CRYGB: variants seen among roughly 807,000 people sequenced by gnomAD.
CRYGB encodes the protein crystallin gamma B.
A neutral mutation model predicts 21.3 loss-of-function variants in CRYGB; 19 were observed. That is an observed-to-expected ratio of 0.89 (90% CI 0.62 to 1.31). CRYGB has a LOEUF of 1.31. CRYGB is among the 50% of genes most tolerant of loss of function. The pLI, the probability that CRYGB is intolerant of heterozygous loss-of-function variation, is 0.00. For missense variants in CRYGB, 254 were observed against 228.4 expected, an observed-to-expected ratio of 1.11 and a Z score of -0.72; for synonymous variants, 81 against 81.2, an observed-to-expected ratio of 1.00 and a Z score of 0.01.
rs765137951 is a variant in CRYGB at position 208,145,842 on chromosome 2, C to T, written c.184G>A (p.Glu62Lys). Residue 62 changes from glutamate to lysine, a missense_variant, in exon 2 of 3, where the codon GAG (glutamate) becomes AAG (lysine). By Grantham distance (56) the Glu-to-Lys change is moderately conservative. Transcript: ENST00000260988. ...ATCCATTGCTGGTAGTCAGGGTACT[C>T]CCCACGCCGCAGGAAGTACTGGTGG... is the stretch of plus-strand genomic sequence containing the variant. ...QGHQYFLRRG[E>K]YPDYQQWMGL... 6.2e-7 allele frequency: 1 copy of T among 1,613,922 alleles called. No individual in the cohort carries two copies. The highest frequency in any genetic ancestry group is 1.1e-5 in the South Asian group (1 of 91,076).
At chr2:208,144,096 C>G (rs1695410137) in intron 2 of CRYGB, among the ~76,000 whole-genome samples, 1 of 150,442 alleles carries the variant, frequency 6.6e-6, no homozygotes, top group African/African-American at 2.4e-5. Flanking sequence ...TCTCGGCTCA[C>G]CACAACCTCT....
chr2:208,145,836 G>T lies in CRYGB; in HGVS notation c.190C>A (p.Pro64Thr). 1 of 1,614,064 alleles carries T rather than the reference G, an allele frequency of 6.2e-7. No homozygotes were observed. Among genetic ancestry groups the T allele is most frequent in the Non-Finnish European group, 8.5e-7 (1 of 1,180,018 alleles). ...HQYFLRRGEY[P>T]DYQQWMGLSD... The stretch of plus-strand genomic sequence containing the variant: ...AGGCCCATCCATTGCTGGTAGTCAG[G>T]GTACTCCCCACGCCGCAGGAAGTAC... The change falls in exon 2 of 3, where the codon CCT becomes ACT. Residue 64 changes from proline to threonine, a missense_variant. Pro to Thr is a conservative substitution (Grantham distance 38). Transcript: ENST00000260988.
chr2:208,145,192 C>T (rs17538374), intron 2 of CRYGB, among the ~76,000 whole-genome samples: 35,751 of 151,782 alleles, frequency 0.24, 4,311 homozygotes, highest in East Asian at 0.3. Flanking sequence ...GAGGAATAAT[C>T]AAATAGAAAA....
intron 2 of CRYGB, among the ~76,000 whole-genome samples, chr2:208,144,385 ACG>A (rs1253142167): frequency 2.6e-5 from 3 of 117,054 alleles, no homozygotes; most frequent in Non-Finnish European, 5.9e-5. Context: ...TTATATGCGC[ACG>A]CACACACACA....
Position 208,146,096 on chromosome 2 carries a change from G to A in CRYGB, c.9+16C>T, listed in dbSNP as rs751613013. On this transcript the variant is annotated intron_variant, in intron 1 of 2. Transcript: ENST00000260988. ...GCATTAGGGCCAAGGCTGAGCATCC[G>A]GTACCCAGGACTTACCTTTCCCATT... 31 of 1,614,062 alleles carry A rather than the reference G, an allele frequency of 1.9e-5. No individual in the cohort carries two copies. The highest frequency in any genetic ancestry group is 1.6e-4 in the Middle Eastern group (1 of 6,084).
chr2:208,144,435 CCT>C (rs1375906846), intron 2 of CRYGB, among the ~76,000 whole-genome samples: 1 of 151,882 alleles, frequency 6.6e-6, no homozygotes, highest in Non-Finnish European at 1.5e-5. Flanking sequence ...ACAGGGTCTC[CCT>C]CTGTCACCTA....
chr2:208,144,777 GA>G (rs1337868332), intron 2 of CRYGB, among the ~76,000 whole-genome samples: 1 of 151,884 alleles, frequency 6.6e-6, no homozygotes, highest in East Asian at 1.9e-4. Context: ...TTTTAGTAGA[GA>G]GGGGGTTTCA....
Position 208,146,096 on chromosome 2 carries a change from G to C in CRYGB, c.9+16C>G. ...GCATTAGGGCCAAGGCTGAGCATCC[G>C]GTACCCAGGACTTACCTTTCCCATT... On this transcript the variant is annotated intron_variant, in intron 1 of 2. Coordinates refer to ENST00000260988, the MANE Select transcript of CRYGB (RefSeq NM_005210.4). 6.2e-7 allele frequency: 1 copy of C among 1,614,180 alleles called. No individual in the cohort carries two copies. Among genetic ancestry groups the C allele is most frequent in the Non-Finnish European group, 8.5e-7 (1 of 1,180,004 alleles).
chr2:208,143,005 C>A (rs1695384167), intron 2 of CRYGB, 92 bp from the exon 3 acceptor site: 1 of 1,400,544 alleles, frequency 7.1e-7, no homozygotes, highest in Admixed American at 2.5e-5. Flanking sequence ...CCACACCTGC[C>A]CAGAAGTTCT....
rs934968766 is a variant in CRYGB, at chr2:208,142,904, C to T, written c.262G>A (p.Ala88Thr). 7 of 1,598,798 alleles carry T rather than the reference C, an allele frequency of 4.4e-6. No homozygotes were observed. Among genetic ancestry groups the T allele is most frequent in the Middle Eastern group, 1.8e-4 (1 of 5,552 alleles). ...SCCLIPPHSGAYRMKIYDRDE... is the reference protein window; with the variant it reads ...SCCLIPPHSGTYRMKIYDRDE... ...CTGTCGTAGATCTTCATTCTGTAAG[C>T]GCCAGAGTGCTGGAGTGGCAGACAG... The change falls in exon 3 of 3, where the codon GCT (alanine) becomes ACT (threonine). Residue 88 changes from alanine to threonine, a missense_variant. Transcript: ENST00000260988.
At chr2:208,145,269 A>C (rs1374463044) in intron 2 of CRYGB, among the ~76,000 whole-genome samples, 1 of 143,812 alleles carries the variant, frequency 7.0e-6, no homozygotes, top group Non-Finnish European at 1.5e-5. Context: ...TTTGAGATGG[A>C]GTCTCACTCT....
intron 2 of CRYGB, among the ~76,000 whole-genome samples, chr2:208,144,040 G>T (rs1363096338): frequency 1.6e-5 from 1 of 61,520 alleles, no homozygotes; most frequent in Non-Finnish European, 4.4e-5. Flanking sequence ...TTTTTTTTGA[G>T]ATGGAGTTTC....
intron 2 of CRYGB, among the ~76,000 whole-genome samples, chr2:208,144,497 G>A (rs1439573492): frequency 6.6e-6 from 1 of 151,792 alleles, no homozygotes; most frequent in African/African-American, 2.4e-5. Flanking sequence ...TCAACCTTCT[G>A]GGCTCAAGTG....
chr2:208,143,507 T>C (rs1373689854), intron 2 of CRYGB, among the ~76,000 whole-genome samples: 1 of 115,854 alleles, frequency 8.6e-6, no homozygotes, highest in Non-Finnish European at 1.9e-5. Context: ...TCTTATCTAC[T>C]GTTTTTTTTT....
intron 2 of CRYGB, among the ~76,000 whole-genome samples, chr2:208,143,804 C>T (rs1453553466): frequency 6.6e-6 from 1 of 151,772 alleles, no homozygotes; most frequent in East Asian, 2.0e-4. Flanking sequence ...ACGCGCCCAG[C>T]TCTGTTTCTT....
At chr2:208,145,280 G>T (rs1393671677) in intron 2 of CRYGB, among the ~76,000 whole-genome samples, 1 of 151,526 alleles carries the variant, frequency 6.6e-6, no homozygotes, top group Non-Finnish European at 1.5e-5. Context: ...GTCTCACTCT[G>T]TCACCAGGCT....
At chr2:208,143,435 C>T (rs752493592) in intron 2 of CRYGB, among the ~76,000 whole-genome samples, 2 of 152,008 alleles carry the variant, frequency 1.3e-5, no homozygotes, top group Admixed American at 6.6e-5. Flanking sequence ...GCAGAGTCAT[C>T]GAGCCAGACT....
intron 2 of CRYGB, among the ~76,000 whole-genome samples, chr2:208,143,514 T>C (rs1430813967): frequency 1.2e-5 from 1 of 86,892 alleles, no homozygotes; most frequent in East Asian, 2.8e-4. Context: ...TACTGTTTTT[T>C]TTTTTGAGAC....
Position 208,146,137 on chromosome 2 carries a change from A to T in CRYGB, c.-17T>A. The T allele has an allele frequency of 6.2e-7, 1 of 1,614,000 alleles. No homozygotes were observed. The highest frequency in any genetic ancestry group is 1.1e-5 in the South Asian group (1 of 91,076). ...CTTTCCCATTTTGAAGGAAGTGAGCAGATGTTTTCTGGTTGCTGTGTGGGA... is the reference window on the plus strand; with the variant it reads ...CTTTCCCATTTTGAAGGAAGTGAGCTGATGTTTTCTGGTTGCTGTGTGGGA... On this transcript the variant is annotated 5_prime_UTR_variant, in exon 1 of 3. Transcript: ENST00000260988.
Sources: allele counts gnomAD v4.1 joint callset (sites outside exome capture counted in the v4.1 genomes callset), GRCh38; gene constraint gnomAD v4.1.1; transcripts MANE v1.5; gene names NCBI Gene and HGNC (gene_info 2026-07-23, HGNC 2026-07-21).